Variants in ZNF146 observed in about 807,000 individuals in gnomAD.
ZNF146 encodes zinc finger protein 146, also known as zinc finger protein OZF.
Under a neutral mutation model 22.2 loss-of-function variants are expected in ZNF146, and 9 were observed. The observed-to-expected ratio is 0.41, with a 90% CI of 0.24 to 0.71. ZNF146 has a LOEUF of 0.71. Ranked by LOEUF, ZNF146 falls within the 30% of genes least tolerant of loss-of-function variation. The probability of loss-of-function intolerance (pLI) is 0.34; values close to 1 mark genes in which losing one functional copy is unlikely to be tolerated. For missense variants in ZNF146, 194 were observed against 344.8 expected, an observed-to-expected ratio of 0.56 and a Z score of 3.46; for synonymous variants, 108 against 119.2, an observed-to-expected ratio of 0.91 and a Z score of 0.61.
rs1568429093 is a variant in ZNF146, at chr19:36,220,360, TAA to T, written c.-855+2166_-855+2167del. 2.4e-3 allele frequency among the ~76,000 whole-genome samples: 345 copies of T among 146,566 alleles called. 8 individuals are homozygous for T. Among genetic ancestry groups the T allele is most frequent in the Middle Eastern group, 3.6e-3 (1 of 274 alleles). On this transcript the variant is annotated intron_variant, in intron 2 of 3. Transcript: ENST00000443387. ...TTTCTTAGCTCCTAGTTCTTTTTTT[TAA>T]TTTAATTTTATTTTATTTTTGAGAC...
chr19:36,220,597 C>T (rs1049283784), intron 2 of ZNF146, among the ~76,000 whole-genome samples: 1 of 152,124 alleles, frequency 6.6e-6, no homozygotes, highest in African/African-American at 2.4e-5. Flanking sequence ...ATCTCCTAAC[C>T]TCAGGTGATC....
intron 3 of ZNF146, among the ~76,000 whole-genome samples, chr19:36,230,144 T>C (rs1450831912): frequency 6.6e-6 from 1 of 152,232 alleles, no homozygotes. Context: ...AACAACTACA[T>C]AGCATTTACT....
At chr19:36,233,459 T>C (rs1395600811) in intron 3 of ZNF146, among the ~76,000 whole-genome samples, 3 of 151,532 alleles carry the variant, frequency 2.0e-5, no homozygotes, top group Non-Finnish European at 4.4e-5. Flanking sequence ...GAAAGAAAAA[T>C]GGGCCCAGGG....
At chr19:36,222,778 CTTTTT>C (rs55668684) in intron 2 of ZNF146, among the ~76,000 whole-genome samples, 4 of 100,882 alleles carry the variant, frequency 4.0e-5, no homozygotes, top group Non-Finnish European at 8.1e-5. Context: ...TGAGTGGTGG[CTTTTT>C]TTTTTTTTTT....
intron 3 of ZNF146, among the ~76,000 whole-genome samples, chr19:36,231,212 A>C (rs1012722655): frequency 1.3e-5 from 2 of 151,960 alleles, no homozygotes; most frequent in African/African-American, 4.8e-5. Flanking sequence ...AAAATACAAA[A>C]GTTCTTCTTT....
chr19:36,235,612 T>G (rs1977618306), intron 3 of ZNF146, 47 bp from the exon 4 acceptor site: 1 of 152,198 alleles, frequency 6.6e-6, no homozygotes, highest in Non-Finnish European at 1.5e-5. Flanking sequence ...CTGGGCACTT[T>G]ATGAATTTAA....
chr19:36,226,030 A>G (rs1335407343), intron 2 of ZNF146, among the ~76,000 whole-genome samples: 2 of 152,138 alleles, frequency 1.3e-5, no homozygotes, highest in African/African-American at 4.8e-5. Flanking sequence ...TCAGCTTCCC[A>G]AAGTGCTGGG....
chr19:36,216,279 A>G (rs542919291), intron 1 of ZNF146, among the ~76,000 whole-genome samples: 1 of 152,286 alleles, frequency 6.6e-6, no homozygotes, highest in African/African-American at 2.4e-5. Flanking sequence ...GGGCATAACA[A>G]ATGTGAACAA....
intron 1 of ZNF146, among the ~76,000 whole-genome samples, chr19:36,216,515 G>C (rs1035206328): frequency 6.5e-5 from 9 of 137,466 alleles, no homozygotes; most frequent in African/African-American, 2.4e-4. Flanking sequence ...AAAATTAGCC[G>C]GGCGTGGTGG....
rs958428927 is a variant in ZNF146 at position 36,237,355 on chromosome 19, C to A, written c.*36C>A. ...AAAGCCTTGAAAGTGGGAAAGCTTT[C>A]ATTAGAAATTTGCACCTCATCATGC... On this transcript the variant is annotated 3_prime_UTR_variant, in exon 4 of 4. Transcript: ENST00000443387. 6 of 1,551,598 alleles carry A rather than the reference C, an allele frequency of 3.9e-6. No homozygotes were observed. The African/African-American group carries it at 8.3e-5, about 21-fold the overall frequency.
chr19:36,215,613 A>T (rs545341660), intron 1 of ZNF146, among the ~76,000 whole-genome samples: 25 of 152,262 alleles, frequency 1.6e-4, no homozygotes, highest in Non-Finnish European at 2.9e-4. Flanking sequence ...GAGTTTTTAT[A>T]TAAAAGCATT....
At chr19:36,216,781 G>A (rs947279486) in intron 1 of ZNF146, among the ~76,000 whole-genome samples, 10 of 152,018 alleles carry the variant, frequency 6.6e-5, no homozygotes, top group African/African-American at 2.4e-4. Flanking sequence ...GACTGAGAAA[G>A]AAAAGGCGTT....
Position 36,236,665 on chromosome 19 carries a change from T to C in ZNF146, c.225T>C (p.Asn75=). 1.9e-6 allele frequency: 3 copies of C among 1,614,162 alleles called. No homozygotes were observed. Among genetic ancestry groups the C allele is most frequent in the Non-Finnish European group, 2.5e-6 (3 of 1,180,018 alleles). The change falls in exon 4 of 4, where the codon AAT becomes AAC. Residue 75 remains asparagine, a synonymous_variant. Transcript: ENST00000443387. ...CTGGCGAGAAGCTTTTCGAATGTAA[T>C]GAATGTGGAAAATCATTTAGCCAGA... ...THTGEKLFEC[N]ECGKSFSQKE...
rs370368563 is a variant in ZNF146, at chr19:36,217,091, C to G, written c.-928-1031C>G. 4.3e-4 allele frequency among the ~76,000 whole-genome samples: 46 copies of G among 106,622 alleles called. No homozygotes were observed. In the East Asian group the frequency reaches 0.012, roughly 28 times the overall value. The allele number at this position is 106,622 out of a possible 152,430, so 69.9% of individuals were successfully genotyped here. A position where few individuals can be genotyped will look rare whatever the true frequency, so the allele number is the denominator to read the frequency against. ...TTTTTTTTTTTTTTTGAGATGGAGT[C>G]TCTCTCTCTTGCCCAGTCTAGAGTG... On this transcript the variant is annotated intron_variant, in intron 1 of 3. Transcript: ENST00000443387.
Position 36,238,313 on chromosome 19 carries a change from T to C in ZNF146, c.*994T>C, listed in dbSNP as rs1324043001. 6.0e-6 allele frequency: 1 copy of C among 167,108 alleles called. No homozygotes were observed. Among genetic ancestry groups the C allele is most frequent in the East Asian group, 1.9e-4 (1 of 5,206 alleles). The allele number at this position is 167,108 out of a possible 1,614,324, so 10.4% of individuals were successfully genotyped here. A position where few individuals can be genotyped will look rare whatever the true frequency, so the allele number is the denominator to read the frequency against. On this transcript the variant is annotated 3_prime_UTR_variant, in exon 4 of 4. Transcript: ENST00000443387. ...TCTATTGGTAATGGATGCATATATG[T>C]ATGTACATGTTTTTGAAACGGATTG...
intron 3 of ZNF146, among the ~76,000 whole-genome samples, chr19:36,231,405 C>T (rs936029955): frequency 6.6e-6 from 1 of 152,124 alleles, no homozygotes; most frequent in Non-Finnish European, 1.5e-5. Context: ...AACCAGTTTT[C>T]ACCATGTTGG....
intron 2 of ZNF146, among the ~76,000 whole-genome samples, chr19:36,224,603 C>T (rs1163380720): frequency 2.6e-5 from 4 of 152,266 alleles, no homozygotes; most frequent in Admixed American, 6.5e-5. Context: ...CTTAATTGCT[C>T]GTCCTTTTCA....
chr19:36,226,573 AT>A (rs147959462), intron 2 of ZNF146, among the ~76,000 whole-genome samples: 1 of 151,418 alleles, frequency 6.6e-6, no homozygotes, highest in Non-Finnish European at 1.5e-5. Context: ...AATGTGTATG[AT>A]TTTTTTTTCC....
At chr19:36,221,211 G>A (rs1345182038) in intron 2 of ZNF146, among the ~76,000 whole-genome samples, 2 of 149,196 alleles carry the variant, frequency 1.3e-5, no homozygotes, top group Non-Finnish European at 3.0e-5. Flanking sequence ...ATTTGAAATC[G>A]TTTTTCTGAG....
Sources: gnomAD v4.1 joint callset for allele counts (sites outside exome capture counted in the v4.1 genomes callset) on GRCh38, gnomAD v4.1.1 for gene constraint, MANE v1.5 for transcripts, NCBI Gene and HGNC (gene_info 2026-07-23, HGNC 2026-07-21) for gene names.